The following COTL1 variants were observed in gnomAD, a reference collection of about 807,000 sequenced individuals.
COTL1 encodes the protein coactosin-like protein.
Under a neutral mutation model 16.5 loss-of-function variants are expected in COTL1, and 15 were observed. The ratio of observed to expected loss-of-function variants is 0.91; its 90% CI spans 0.61 to 1.40. The LOEUF (loss-of-function observed/expected upper bound fraction) is 1.40, where lower values mean the gene tolerates loss of function less well. COTL1 is among the 40% of genes most tolerant of loss of function. The pLI, the probability that COTL1 is intolerant of heterozygous loss-of-function variation, is 0.00. For missense variants in COTL1, 220 were observed against 201.5 expected, an observed-to-expected ratio of 1.09 and a Z score of -0.56; for synonymous variants, 112 against 85.3, an observed-to-expected ratio of 1.31 and a Z score of -1.73.
chr16:84,595,806 T>C (rs1001746955), intron 2 of COTL1: 7 of 152,200 alleles, frequency 4.6e-5, no homozygotes, highest in Non-Finnish European at 8.8e-5. Context: ...CAGGTGTGTT[T>C]GTATATGTGT....
chr16:84,583,796 A>G (rs978773896), intron 3 of COTL1, among the ~76,000 whole-genome samples: 3 of 152,076 alleles, frequency 2.0e-5, no homozygotes, highest in African/African-American at 7.2e-5. Flanking sequence ...ATAGACTCCA[A>G]TTGGCTAGTT....
At chr16:84,606,281 C>T (rs552484469) in intron 2 of COTL1, among the ~76,000 whole-genome samples, 283 of 152,308 alleles carry the variant, frequency 1.9e-3, no homozygotes, top group African/African-American at 5.9e-3. Context: ...CCAGTGGTAG[C>T]GGCCGGGAGC....
At chr16:84,593,013 T>C (rs1396379676) in intron 2 of COTL1, among the ~76,000 whole-genome samples, 1 of 152,184 alleles carries the variant, frequency 6.6e-6, no homozygotes, top group African/African-American at 2.4e-5. Context: ...TTCATCTCAT[T>C]TGGTCTTTGT....
intron 3 of COTL1, among the ~76,000 whole-genome samples, chr16:84,583,335 T>C (rs1280138967): frequency 6.6e-6 from 1 of 152,162 alleles, no homozygotes; most frequent in African/African-American, 2.4e-5. Flanking sequence ...AGGGCCACAA[T>C]AAAACTATTG....
chr16:84,580,068 G>A (rs1338788995), intron 3 of COTL1, among the ~76,000 whole-genome samples: 1 of 152,226 alleles, frequency 6.6e-6, no homozygotes, highest in African/African-American at 2.4e-5. Context: ...GCAGGTGCCT[G>A]GGGCAGGTAC....
At chr16:84,617,771 G>A in intron 1 of COTL1, 67 bp downstream of exon 1, 3 of 1,479,988 alleles carry the variant, frequency 2.0e-6, no homozygotes, top group Non-Finnish European at 2.8e-6. Flanking sequence ...CCTGGAGGCC[G>A]GCTCGGTGCA....
At chr16:84,606,055 G>A (rs752276085) in intron 2 of COTL1, among the ~76,000 whole-genome samples, 1 of 152,230 alleles carries the variant, frequency 6.6e-6, no homozygotes, top group East Asian at 1.9e-4. Flanking sequence ...CTAAAAACAA[G>A]ATCTATGGCA....
chr16:84,575,028 T>C lies in COTL1; in HGVS notation c.319-8073A>G, dbSNP rs554678441. On this transcript the variant is annotated intron_variant, in intron 3 of 3. Transcript: ENST00000262428. Reference sequence around the variant, plus strand: ...CTCCTGTCTTGGTTTTAAATCATTCTTTTCTCATTTATTTATTTATCTTTT... The same window carrying C: ...CTCCTGTCTTGGTTTTAAATCATTCCTTTCTCATTTATTTATTTATCTTTT... Among the ~76,000 whole-genome samples, 15 of 152,286 alleles carry C rather than the reference T, an allele frequency of 9.8e-5. 1 individual carries two copies. The South Asian group carries it at 3.1e-3, about 32-fold the overall frequency.
At chr16:84,610,349 G>A (rs922337169) in intron 2 of COTL1, among the ~76,000 whole-genome samples, 1 of 152,210 alleles carries the variant, frequency 6.6e-6, no homozygotes, top group Non-Finnish European at 1.5e-5. Flanking sequence ...CTTCAGGCAT[G>A]GCTGGATCCC....
At position 84,591,135 on chromosome 16, in the gene COTL1, C is replaced by G. The variant is rs774643575; in HGVS notation, c.161-873G>C. 7.9e-5 allele frequency among the ~76,000 whole-genome samples: 12 copies of G among 151,986 alleles called. 1 individual carries two copies. The highest frequency in any genetic ancestry group is 1.8e-4 in the Non-Finnish European group (12 of 68,004). On this transcript the variant is annotated intron_variant, in intron 2 of 3. Transcript: ENST00000262428. ...TTCACAATCCACTATGCTAAGTTCC[C>G]CCACCCTCCACTGCTCTGTATTATC...
chr16:84,603,804 G>A (rs1217893928), intron 2 of COTL1, among the ~76,000 whole-genome samples: 3 of 151,992 alleles, frequency 2.0e-5, no homozygotes, highest in Non-Finnish European at 4.4e-5. Flanking sequence ...AGCTGGGAAT[G>A]AGCCACAGAA....
At chr16:84,573,515 G>A (rs763999787) in intron 3 of COTL1, among the ~76,000 whole-genome samples, 1 of 152,212 alleles carries the variant, frequency 6.6e-6, no homozygotes, top group Admixed American at 6.5e-5. Context: ...AGATGCAGTG[G>A]CTCATGCCCA....
In COTL1 at chr16:84,590,839, G is replaced by A. The variant is rs968713463; in HGVS notation, c.161-577C>T. On this transcript the variant is annotated intron_variant, in intron 2 of 3. Transcript: ENST00000262428. This position sits in a 1 kb window ranked among gnomAD's most constrained non-coding sequence, Gnocchi z 5.5. ...GACTCTACACTGTAGAGAGACAGGAGGGGCAAGGGGGGTGCTGGGTATGAA... is the reference window on the plus strand; with the variant it reads ...GACTCTACACTGTAGAGAGACAGGAAGGGCAAGGGGGGTGCTGGGTATGAA... 3.9e-5 allele frequency among the ~76,000 whole-genome samples: 6 copies of A among 152,246 alleles called. No homozygotes were observed. Among genetic ancestry groups the A allele is most frequent in the African/African-American group, 1.4e-4 (6 of 41,546 alleles).
intron 2 of COTL1, among the ~76,000 whole-genome samples, chr16:84,608,365 T>A (rs1246415444): frequency 2.0e-5 from 3 of 152,196 alleles, no homozygotes; most frequent in African/African-American, 7.2e-5. Context: ...TACACATCTA[T>A]CATCCTTCAT....
chr16:84,582,887 C>T (rs556140395), intron 3 of COTL1, among the ~76,000 whole-genome samples: 4 of 152,344 alleles, frequency 2.6e-5, no homozygotes, highest in Non-Finnish European at 5.9e-5. Context: ...CTCCCCTACA[C>T]GCCGTAACTT....
chr16:84,574,465 T>C (rs1904407053), intron 3 of COTL1, among the ~76,000 whole-genome samples: 1 of 152,328 alleles, frequency 6.6e-6, no homozygotes, highest in South Asian at 2.1e-4. Flanking sequence ...GGGGGACTTC[T>C]CTTTTCTTGC....
chr16:84,570,885 T>C (rs894183712), intron 3 of COTL1, among the ~76,000 whole-genome samples: 3 of 151,882 alleles, frequency 2.0e-5, no homozygotes, highest in African/African-American at 7.3e-5. Context: ...TGTATTCCTA[T>C]TTCGTTTCCA....
chr16:84,585,709 C>T (rs541671782), intron 3 of COTL1, among the ~76,000 whole-genome samples: 2 of 152,150 alleles, frequency 1.3e-5, no homozygotes, highest in Admixed American at 6.5e-5. Context: ...TTTTAGCGGC[C>T]GTGGAAAGAC....
chr16:84,617,903 C>T lies in COTL1; in HGVS notation c.12G>A (p.Lys4=), dbSNP rs755174079. Residue 4 remains lysine, a synonymous_variant, in exon 1 of 4, where the codon AAG becomes AAA. Coordinates refer to ENST00000262428, the MANE Select transcript of COTL1 (RefSeq NM_021149.5). ...CCGCCCGGCAAGCCTCTTTGTCGAT[C>T]TTGGTGGCCATCGCCGCGGAGCCGC... The part of the protein sequence containing the change: MAT[K]IDKEACRAAY... 7 of 1,560,298 alleles carry T rather than the reference C, an allele frequency of 4.5e-6. No homozygotes were observed. Among genetic ancestry groups the T allele is most frequent in the East Asian group, 4.8e-5 (2 of 41,938 alleles).
Sources: allele counts gnomAD v4.1 joint callset (sites outside exome capture counted in the v4.1 genomes callset), GRCh38; gene constraint gnomAD v4.1.1; non-coding constraint Gnocchi (gnomAD v3.1); transcripts MANE v1.5; gene names NCBI Gene and HGNC (gene_info 2026-07-23, HGNC 2026-07-21).